ACTR3C: variants seen among roughly 807,000 people sequenced by gnomAD.
ACTR3C encodes actin-related protein 3C.
A neutral mutation model predicts 26.3 loss-of-function variants in ACTR3C; 18 were observed. The ratio of observed to expected loss-of-function variants is 0.68; its 90% confidence interval spans 0.47 to 1.01. The LOEUF is 1.01. ACTR3C is among the 50% of genes least tolerant of loss of function. The pLI is 0.00. For synonymous variants in ACTR3C, 55 were observed against 94.5 expected, an observed-to-expected ratio of 0.58 and a Z score of 2.42; for missense variants, 184 against 250.7, an observed-to-expected ratio of 0.73 and a Z score of 1.80.
At chr7:150,128,701 T>C in the ACTR3C span, among the ~76,000 whole-genome samples, 1 of 151,410 alleles carries the variant, frequency 6.6e-6, no homozygotes, top group Non-Finnish European at 1.5e-5. Flanking sequence ...AGTGTGATAG[T>C]AAACCTATAG....
At chr7:150,115,317 G>A in the ACTR3C span, among the ~76,000 whole-genome samples, 2 of 152,202 alleles carry the variant, frequency 1.3e-5, no homozygotes, top group Admixed American at 1.3e-4. Flanking sequence ...AAGAATGGGA[G>A]TCTGGCTGGT....
At chr7:149,930,978 G>A in the ACTR3C span, among the ~76,000 whole-genome samples, 1 of 152,182 alleles carries the variant, frequency 6.6e-6, no homozygotes, top group African/African-American at 2.4e-5. Context: ...CAATTCTTCT[G>A]CCTCAGCCTC....
the ACTR3C span, among the ~76,000 whole-genome samples, chr7:150,048,306 A>G: frequency 6.8e-6 from 1 of 146,026 alleles, no homozygotes; most frequent in Non-Finnish European, 1.5e-5. Flanking sequence ...CCCCTCGCGC[A>G]GCTCCTCCTC....
chr7:150,042,513 C>T, the ACTR3C span, among the ~76,000 whole-genome samples: 7 of 141,226 alleles, frequency 5.0e-5, no homozygotes, highest in African/African-American at 1.5e-4. Flanking sequence ...TTGCCTCGCC[C>T]CCTGCGATAG....
chr7:150,125,056 T>C, the ACTR3C span, among the ~76,000 whole-genome samples: 1 of 152,228 alleles, frequency 6.6e-6, no homozygotes, highest in African/African-American at 2.4e-5. Context: ...ATATTGCTTT[T>C]GTCATATTTT....
chr7:150,127,205 C>T, the ACTR3C span, among the ~76,000 whole-genome samples: 1 of 150,762 alleles, frequency 6.6e-6, no homozygotes. Context: ...ATGGTGAACA[C>T]GTTACTCTAA....
At chr7:150,052,100 G>A in the ACTR3C span, among the ~76,000 whole-genome samples, 1 of 151,482 alleles carries the variant, frequency 6.6e-6, no homozygotes, top group African/African-American at 2.4e-5. Context: ...AAAACAGTGG[G>A]CATCACTGTC....
chr7:149,978,881 G>C, the ACTR3C span, among the ~76,000 whole-genome samples: 1 of 152,170 alleles, frequency 6.6e-6, no homozygotes, highest in Admixed American at 6.5e-5. Flanking sequence ...ATCCCAGCAG[G>C]CTCCAGCCCT....
At chr7:150,178,582 C>A in the ACTR3C span, among the ~76,000 whole-genome samples, 2 of 150,036 alleles carry the variant, frequency 1.3e-5, no homozygotes, top group Non-Finnish European at 2.9e-5. Context: ...CTGCACTCTG[C>A]CAGGAACACA....
chr7:150,290,045 C>A (rs57743687), intron 3 of ACTR3C, among the ~76,000 whole-genome samples: 27,674 of 151,876 alleles, frequency 0.18, 3,427 homozygotes, highest in African/African-American at 0.33. Flanking sequence ...TAGATTCTAA[C>A]AACCTGGACT....
the ACTR3C span, among the ~76,000 whole-genome samples, chr7:150,188,778 T>C: frequency 0.037 from 5,633 of 150,238 alleles, 232 homozygotes; most frequent in African/African-American, 0.13. Context: ...TTTTACTCTA[T>C]ACAAATTATA....
the ACTR3C span, among the ~76,000 whole-genome samples, chr7:149,966,104 T>C: frequency 6.6e-6 from 1 of 152,208 alleles, no homozygotes. Context: ...GCTCCGTAGT[T>C]GTTTTGGCGT....
the ACTR3C span, among the ~76,000 whole-genome samples, chr7:149,917,993 A>G: frequency 6.6e-6 from 1 of 152,206 alleles, no homozygotes; most frequent in East Asian, 1.9e-4. Context: ...CACAATCTCC[A>G]TATTGTGCAA....
the ACTR3C span, among the ~76,000 whole-genome samples, chr7:149,885,131 T>G: frequency 2.0e-5 from 3 of 152,156 alleles, no homozygotes; most frequent in Non-Finnish European, 1.5e-5. Context: ...CTCCTGGCCA[T>G]GACAACTATA....
At chr7:150,045,324 G>C in the ACTR3C span, among the ~76,000 whole-genome samples, 1 of 152,222 alleles carries the variant, frequency 6.6e-6, no homozygotes, top group Non-Finnish European at 1.5e-5. Flanking sequence ...CCAATTCTGA[G>C]GAACTTTTCT....
At chr7:150,310,968 G>A (rs571735935) in intron 1 of ACTR3C, among the ~76,000 whole-genome samples, 18 of 151,980 alleles carry the variant, frequency 1.2e-4, no homozygotes, top group Admixed American at 3.9e-4. Context: ...ACATACATGC[G>A]CTCTTCCTGC....
chr7:150,253,381 G>A lies in ACTR3C; in HGVS notation c.565-4327C>T, dbSNP rs569546805. ...AAGTCTCCTGATGTCCACTGAAGCT[G>A]TTTGGGGTTTTTGTTTTTACCCGAT... On this transcript the variant is annotated intron_variant, in intron 6 of 7. Transcript: ENST00000683684. Among the ~76,000 whole-genome samples the A allele has an allele frequency of 5.3e-5, 8 of 152,270 alleles. No individual in the cohort carries two copies. In the East Asian group the frequency reaches 1.5e-3, roughly 29 times the overall value.
chr7:150,009,385 G>A, the ACTR3C span, among the ~76,000 whole-genome samples: 1 of 152,236 alleles, frequency 6.6e-6, no homozygotes, highest in Admixed American at 6.5e-5. Context: ...GTGAACACCC[G>A]ATGAAATTTC....
At chr7:150,184,096 C>T in the ACTR3C span, among the ~76,000 whole-genome samples, 4 of 150,564 alleles carry the variant, frequency 2.7e-5, no homozygotes, top group Non-Finnish European at 5.9e-5. Context: ...TTCATAGCAG[C>T]GTGAGAACAG....
Sources: gnomAD v4.1 joint callset for allele counts (sites outside exome capture counted in the v4.1 genomes callset) on GRCh38, gnomAD v4.1.1 for gene constraint, MANE v1.5 for transcripts, NCBI Gene and HGNC (gene_info 2026-07-23, HGNC 2026-07-21) for gene names.